The following LOXHD1 variants were observed in gnomAD, a reference collection of about 807,000 sequenced individuals.
LOXHD1 encodes the protein lipoxygenase homology PLAT domains 1, also known as lipoxygenase homology domain-containing protein 1.
In LOXHD1, 205 loss-of-function variants were observed where a neutral mutation model predicts 248.2. That is an observed-to-expected ratio of 0.83 (90% CI 0.74 to 0.93). The LOEUF (loss-of-function observed/expected upper bound fraction) is 0.93, where lower values mean the gene tolerates loss of function less well. LOXHD1 is among the 40% of genes least tolerant of loss of function. The pLI is 0.00. For synonymous variants in LOXHD1, 1,113 were observed against 1,162.8 expected, an observed-to-expected ratio of 0.96 and a Z score of 0.87; for missense variants, 2,930 against 2,971.6, an observed-to-expected ratio of 0.99 and a Z score of 0.33.
intron 4 of LOXHD1, among the ~76,000 whole-genome samples, chr18:46,625,207 C>A (rs962474499): frequency 6.6e-6 from 1 of 152,202 alleles, no homozygotes; most frequent in Non-Finnish European, 1.5e-5. Flanking sequence ...AAAGTTCCCA[C>A]CTGCCAAACC....
chr18:46,639,813 C>T lies in LOXHD1; in HGVS notation c.327-13G>A. 1.3e-6 allele frequency: 2 copies of T among 1,551,692 alleles called. No homozygotes were observed. The highest frequency in any genetic ancestry group is 1.2e-5 in the South Asian group (1 of 84,056). Reference sequence around the variant, plus strand: ...GTCATGCTCAATCCTGAGGCAGAAGCCAAGGCCCACACCATCACTGGCAGA... The same window carrying T: ...GTCATGCTCAATCCTGAGGCAGAAGTCAAGGCCCACACCATCACTGGCAGA... On this transcript the variant is annotated splice_polypyrimidine_tract_variant and intron_variant, in intron 3 of 40. Transcript: ENST00000642948.
At chr18:46,545,548 T>G in intron 22 of LOXHD1, 127 bp from the exon 23 acceptor site, 1 of 689,444 alleles carries the variant, frequency 1.5e-6, no homozygotes, top group Non-Finnish European at 2.6e-6. Flanking sequence ...ACTCCAATTT[T>G]TCTCTTGCCC....
Position 46,655,395 on chromosome 18 carries a change from C to T in LOXHD1, c.130+1509G>A, listed in dbSNP as rs558879925. On this transcript the variant is annotated intron_variant, in intron 1 of 40. Transcript: ENST00000642948. ...TGGCCACACTGAGGCATGCAGAGCC[C>T]GTAAACAGAAGTCAACAGTGTGCTG... Among the ~76,000 whole-genome samples, 63 of 152,252 alleles carry T rather than the reference C, an allele frequency of 4.1e-4. No individual in the cohort carries two copies. The South Asian group carries it at 5.0e-3, about 12-fold the overall frequency.
chr18:46,519,675 T>C (rs1274819773), intron 33 of LOXHD1, among the ~76,000 whole-genome samples: 1 of 152,172 alleles, frequency 6.6e-6, no homozygotes, highest in Non-Finnish European at 1.5e-5. Flanking sequence ...ATGATCAAAA[T>C]GAGTGCTTCA....
chr18:46,639,634 G>A lies in LOXHD1; in HGVS notation c.493C>T (p.Pro165Ser). ...CACTGACCTCTGGGCATGTCCATGG[G>A]GTTGAAGCTGGCCAGCAGGTCACGG... ...WCRDLLASFNPMDMPRGNKYE... is the reference protein window; with the variant it reads ...WCRDLLASFNSMDMPRGNKYE... The change falls in exon 4 of 41, where the codon CCC becomes TCC. Residue 165 changes from proline to serine, a missense_variant. By Grantham distance (74) the Pro-to-Ser change is moderately conservative (BLOSUM62 -1). Coordinates refer to ENST00000642948, the MANE Select transcript of LOXHD1 (RefSeq NM_001384474.1). 6.4e-7 allele frequency: 1 copy of A among 1,551,650 alleles called. No individual in the cohort carries two copies. Among genetic ancestry groups the A allele is most frequent in the Non-Finnish European group, 8.7e-7 (1 of 1,146,948 alleles).
At position 46,576,668 on chromosome 18, in the gene LOXHD1, G is replaced by A. The variant is rs536920340; in HGVS notation, c.1970+1039C>T. On this transcript the variant is annotated intron_variant, in intron 14 of 40. Transcript: ENST00000642948. ...AATGTAATTCCTTGTAATACAAACA[G>A]TGCTATATGTAGAAGACTGTAGAGC... Among the ~76,000 whole-genome samples, 13 of 152,302 alleles carry A rather than the reference G, an allele frequency of 8.5e-5. No homozygotes were observed. In the South Asian group the frequency reaches 1.9e-3, roughly 22 times the overall value.
chr18:46,629,592 GA>G (rs2038792276), intron 4 of LOXHD1, among the ~76,000 whole-genome samples: 1 of 152,040 alleles, frequency 6.6e-6, no homozygotes, highest in Admixed American at 6.5e-5. Flanking sequence ...GTCATGTCAA[GA>G]TCGGGTACAC....
At chr18:46,478,904 C>A (rs1030422930) in intron 40 of LOXHD1, among the ~76,000 whole-genome samples, 26 of 152,106 alleles carry the variant, frequency 1.7e-4, no homozygotes, top group Non-Finnish European at 1.5e-5. Flanking sequence ...CACCATGCTT[C>A]CCAGGCTAAT....
At chr18:46,555,883 T>C (rs1436792679) in intron 21 of LOXHD1, among the ~76,000 whole-genome samples, 1 of 152,010 alleles carries the variant, frequency 6.6e-6, no homozygotes, top group Admixed American at 6.5e-5. Context: ...TAACACTCTC[T>C]TCCCAGCCCA....
At position 46,521,089 on chromosome 18, in the gene LOXHD1, C is replaced by T. The variant is rs1480708699; in HGVS notation, c.5271+8G>A. The T allele has an allele frequency of 1.9e-6, 3 of 1,551,280 alleles. No individual in the cohort carries two copies. The highest frequency in any genetic ancestry group is 1.7e-4 in the Middle Eastern group (1 of 6,016). On this transcript the variant is annotated splice_region_variant and intron_variant, in intron 33 of 40. Transcript: ENST00000642948. ...CCATGCACTGCACACTCACAGTGCC[C>T]CCCCTACCTTCACCCCAATGTTCAC...
chr18:46,525,612 CT>C (rs1215504643), intron 29 of LOXHD1, among the ~76,000 whole-genome samples: 3 of 152,106 alleles, frequency 2.0e-5, no homozygotes, highest in African/African-American at 7.2e-5. Flanking sequence ...TGTGCTGATT[CT>C]TTGAGGGGAG....
intron 12 of LOXHD1, among the ~76,000 whole-genome samples, chr18:46,582,788 A>C (rs1428594650): frequency 1.3e-5 from 2 of 152,138 alleles, no homozygotes; most frequent in Non-Finnish European, 2.9e-5. Flanking sequence ...TTCTTGGGAG[A>C]GCTTGGCAGG....
intron 34 of LOXHD1, among the ~76,000 whole-genome samples, chr18:46,516,744 CATT>C (rs1319891533): frequency 5.9e-5 from 9 of 151,788 alleles, no homozygotes; most frequent in African/African-American, 2.2e-4. Flanking sequence ...TCATCACCAT[CATT>C]ATCATCATCA....
At chr18:46,604,362 G>T in intron 6 of LOXHD1, 133 bp from the exon 7 acceptor site, 1 of 1,241,694 alleles carries the variant, frequency 8.1e-7, no homozygotes, top group Non-Finnish European at 1.1e-6. Flanking sequence ...CCCAAGGAAA[G>T]CTTATCACAA....
At chr18:46,650,956 G>A (rs1347762116) in intron 1 of LOXHD1, among the ~76,000 whole-genome samples, 1 of 152,218 alleles carries the variant, frequency 6.6e-6, no homozygotes, top group African/African-American at 2.4e-5. Context: ...AGGGCATTCT[G>A]GGGATTAGAG....
intron 34 of LOXHD1, among the ~76,000 whole-genome samples, chr18:46,514,732 A>G (rs537069946): frequency 1.4e-4 from 21 of 152,054 alleles, no homozygotes; most frequent in Admixed American, 7.9e-4. Context: ...ACCCAGCAGA[A>G]CTCTTTTGTG....
intron 37 of LOXHD1, among the ~76,000 whole-genome samples, chr18:46,489,440 T>C (rs1030994624): frequency 6.6e-6 from 1 of 152,212 alleles, no homozygotes. Context: ...TAATTATACA[T>C]GAACATTTTA....
At chr18:46,574,898 A>G (rs1474248251) in intron 14 of LOXHD1, among the ~76,000 whole-genome samples, 1 of 152,138 alleles carries the variant, frequency 6.6e-6, no homozygotes, top group Non-Finnish European at 1.5e-5. Flanking sequence ...TGCATGTGAC[A>G]ATGCAGTGTG....
chr18:46,605,268 C>T (rs571042070), intron 6 of LOXHD1, among the ~76,000 whole-genome samples: 110 of 152,070 alleles, frequency 7.2e-4, no homozygotes, highest in Non-Finnish European at 9.8e-4. Flanking sequence ...TGGCTCACAC[C>T]GTAATCCCAG....
Sources: allele counts gnomAD v4.1 joint callset (sites outside exome capture counted in the v4.1 genomes callset), GRCh38; gene constraint gnomAD v4.1.1; transcripts MANE v1.5; gene names NCBI Gene and HGNC (gene_info 2026-07-23, HGNC 2026-07-21).